The following TECPR2 variants were observed in gnomAD, a reference collection of about 807,000 sequenced individuals.
TECPR2 encodes tectonin beta-propeller repeat-containing protein 2.
Under a neutral mutation model 138.1 loss-of-function variants are expected in TECPR2, and 65 were observed. The ratio of observed to expected loss-of-function variants is 0.47; its 90% CI spans 0.39 to 0.58. The LOEUF (loss-of-function observed/expected upper bound fraction) is 0.58. TECPR2 is among the 20% of genes least tolerant of loss of function. TECPR2 has a pLI of 0.00. For missense variants in TECPR2, 1,553 were observed against 1,824.5 expected, an observed-to-expected ratio of 0.85 and a Z score of 2.71; for synonymous variants, 746 against 749.8, an observed-to-expected ratio of 0.99 and a Z score of 0.08.
chr14:102,427,725 T>A, intron 6 of TECPR2, among the ~76,000 whole-genome samples: 1 of 152,188 alleles, frequency 6.6e-6, no homozygotes. Flanking sequence ...GTAGGGGGAC[T>A]AGACGTGTCT....
intron 16 of TECPR2, among the ~76,000 whole-genome samples, chr14:102,464,914 C>T (rs1265945916): frequency 6.6e-6 from 1 of 152,130 alleles, no homozygotes; most frequent in Non-Finnish European, 1.5e-5. Flanking sequence ...GCAGAGTGGC[C>T]AGAGGCCATT....
intron 8 of TECPR2, among the ~76,000 whole-genome samples, chr14:102,432,702 A>G (rs1047582731): frequency 2.7e-5 from 4 of 149,696 alleles, no homozygotes; most frequent in Admixed American, 2.7e-4. Context: ...CATAGTTTTT[A>G]GTATTTAAAT....
chr14:102,391,262 G>GT (rs543327821), intron 2 of TECPR2, among the ~76,000 whole-genome samples: 88 of 152,226 alleles, frequency 5.8e-4, no homozygotes, highest in African/African-American at 2.0e-3. Context: ...GTTTCACCAT[G>GT]TTGGCGAGGC....
intron 16 of TECPR2, among the ~76,000 whole-genome samples, chr14:102,461,995 C>A (rs559946106): frequency 6.6e-6 from 1 of 152,304 alleles, no homozygotes; most frequent in South Asian, 2.1e-4. Flanking sequence ...TCATCTTTCA[C>A]CTGTCTCTTC....
At chr14:102,490,556 G>T (rs1649855095) in intron 17 of TECPR2, among the ~76,000 whole-genome samples, 1 of 152,226 alleles carries the variant, frequency 6.6e-6, no homozygotes, top group East Asian at 1.9e-4. Context: ...GCCTTCCCGA[G>T]TCACCCGACA....
At chr14:102,375,375 G>C (rs1467508255) in intron 1 of TECPR2, among the ~76,000 whole-genome samples, 3 of 152,028 alleles carry the variant, frequency 2.0e-5, no homozygotes, top group African/African-American at 4.8e-5. Context: ...GCTGTGTAGA[G>C]AAAGTAAAAC....
intron 17 of TECPR2, among the ~76,000 whole-genome samples, chr14:102,492,863 G>A (rs1191204454): frequency 1.3e-5 from 2 of 152,264 alleles, no homozygotes; most frequent in Non-Finnish European, 2.9e-5. Flanking sequence ...AGTAAAGGCT[G>A]TTAATGGGCG....
rs763261549 is a variant in TECPR2, at chr14:102,497,617, C to T, written c.3979C>T (p.Arg1327Cys). Residue 1327 changes from arginine to cysteine, a missense_variant, in exon 19 of 20, where the codon CGC becomes TGC. By Grantham distance (180) the Arg-to-Cys change is radical. Coordinates refer to ENST00000359520, the MANE Select transcript of TECPR2 (RefSeq NM_014844.5). ...LALSTRTVWA[R>C]CPNGDLARRY... ...GCTGAGCACCAGGACCGTGTGGGCC[C>T]GCTGTCCAAACGGAGACCTCGCCCG... is the stretch of plus-strand genomic sequence containing the variant. 1.1e-5 allele frequency: 18 copies of T among 1,608,956 alleles called. No homozygotes were observed. Among genetic ancestry groups the T allele is most frequent in the African/African-American group, 9.4e-5 (7 of 74,832 alleles).
At position 102,470,975 on chromosome 14, in the gene TECPR2, C is replaced by T. The variant is rs533923033; in HGVS notation, c.3789+5686C>T. 1.9e-4 allele frequency among the ~76,000 whole-genome samples: 29 copies of T among 152,248 alleles called. No individual in the cohort carries two copies. In the South Asian group the frequency reaches 4.6e-3, roughly 24 times the overall value. The stretch of plus-strand genomic sequence containing the variant: ...CTGGGATTACAGGCATGCACCGCCA[C>T]ACCCAGCTAATTTTTGTATTTTTAG... On this transcript the variant is annotated intron_variant, in intron 17 of 19. Coordinates refer to ENST00000359520, the MANE Select transcript of TECPR2 (RefSeq NM_014844.5).
chr14:102,467,092 G>A (rs1890561990), intron 17 of TECPR2, among the ~76,000 whole-genome samples: 1 of 152,126 alleles, frequency 6.6e-6, no homozygotes, highest in Admixed American at 6.5e-5. Flanking sequence ...GATTGTTTCT[G>A]CTTATTGGCT....
chr14:102,409,005 C>T (rs1888742460), intron 4 of TECPR2, among the ~76,000 whole-genome samples: 3 of 152,182 alleles, frequency 2.0e-5, no homozygotes. Flanking sequence ...GAGATGACCT[C>T]ATGTGACAGG....
At chr14:102,444,967 A>G (rs180678030) in intron 12 of TECPR2, among the ~76,000 whole-genome samples, 5 of 152,204 alleles carry the variant, frequency 3.3e-5, no homozygotes, top group Admixed American at 3.3e-4. Context: ...GACAAAAAAA[A>G]GCAACAACAA....
chr14:102,383,905 T>A (rs940905150), intron 2 of TECPR2, among the ~76,000 whole-genome samples: 30 of 151,832 alleles, frequency 2.0e-4, no homozygotes, highest in Non-Finnish European at 5.9e-5. Context: ...ACAGAATACC[T>A]AAGACTAGTA....
chr14:102,409,956 C>T (rs965341617), intron 4 of TECPR2, among the ~76,000 whole-genome samples: 6 of 152,120 alleles, frequency 3.9e-5, no homozygotes, highest in East Asian at 3.9e-4. Context: ...AGGCACCTGC[C>T]ACCACGTCTG....
Position 102,452,443 on chromosome 14 carries a change from C to T in TECPR2, c.3456C>T (p.Ser1152=), listed in dbSNP as rs199827410. 7.4e-6 allele frequency: 12 copies of T among 1,613,592 alleles called. No individual in the cohort carries two copies. The highest frequency in any genetic ancestry group is 5.3e-5 in the African/African-American group (4 of 75,074). ...GCAGCAAGGACCTGTGCAGCGTCAG[C>T]GCCCAGAGCGCACAGTCGCGGCCCT... ...CQSSKDLCSV[S]AQSAQSRPST... The change falls in exon 16 of 20, where the codon AGC becomes AGT. Residue 1152 remains serine (S), a synonymous_variant. Transcript: ENST00000359520.
At chr14:102,416,547 A>G (rs982843233) in intron 5 of TECPR2, among the ~76,000 whole-genome samples, 2 of 152,236 alleles carry the variant, frequency 1.3e-5, no homozygotes, top group South Asian at 4.1e-4. Flanking sequence ...TCTCTCTGCC[A>G]GTATCCTACT....
intron 1 of TECPR2, among the ~76,000 whole-genome samples, chr14:102,372,490 C>T (rs1367467727): frequency 6.6e-6 from 1 of 152,134 alleles, no homozygotes; most frequent in Non-Finnish European, 1.5e-5. Context: ...GTTTTGAACT[C>T]CCAACCTCAG....
In TECPR2 at chr14:102,440,497, C is replaced by G. The variant is rs1889799201; in HGVS notation, c.2640C>G (p.Thr880=). 6.2e-7 allele frequency: 1 copy of G among 1,614,070 alleles called. No homozygotes were observed. Among genetic ancestry groups the G allele is most frequent in the Non-Finnish European group, 8.5e-7 (1 of 1,180,062 alleles). The change falls in exon 11 of 20, where the codon ACC becomes ACG. Residue 880 remains threonine, a synonymous_variant. Coordinates refer to ENST00000359520, the MANE Select transcript of TECPR2 (RefSeq NM_014844.5). ...SNRAFACGKV[T]IKGKRHWYEA... ...GGGCTTTTGCTTGTGGGAAAGTCAC[C>G]ATCAAGGGGAAGCGGCACTGGTACG...
chr14:102,377,331 T>A (rs1364656950), intron 2 of TECPR2, among the ~76,000 whole-genome samples: 1 of 152,168 alleles, frequency 6.6e-6, no homozygotes, highest in Non-Finnish European at 1.5e-5. Flanking sequence ...GTTTTTGTTT[T>A]GTTTTGTCTG....
Sources: allele counts gnomAD v4.1 joint callset (sites outside exome capture counted in the v4.1 genomes callset), GRCh38; gene constraint gnomAD v4.1.1; transcripts MANE v1.5; gene names NCBI Gene and HGNC (gene_info 2026-07-23, HGNC 2026-07-21).